The following INSC variants were observed in gnomAD, a reference collection of about 807,000 sequenced individuals.
INSC encodes protein inscuteable homolog.
INSC carries 67 observed loss-of-function variants against 58.6 expected under a neutral mutation model. The ratio of observed to expected loss-of-function variants is 1.14; its 90% confidence interval spans 0.94 to 1.40. The LOEUF (loss-of-function observed/expected upper bound fraction) is 1.40, where lower values mean the gene tolerates loss of function less well. Ranked by LOEUF, INSC falls within the 40% of genes most tolerant of loss-of-function variation. The probability of loss-of-function intolerance (pLI) is 0.00; values close to 1 mark genes in which losing one functional copy is unlikely to be tolerated. For missense variants in INSC, 714 were observed against 692.0 expected, an observed-to-expected ratio of 1.03 and a Z score of -0.36; for synonymous variants, 262 against 276.1, an observed-to-expected ratio of 0.95 and a Z score of 0.51.
At chr11:15,175,625 G>A (rs1849543639) in intron 2 of INSC, 116 bp from the exon 3 acceptor site, 1 of 656,404 alleles carries the variant, frequency 1.5e-6, no homozygotes. Flanking sequence ...GCATGAATGG[G>A]AGAAACACTG....
chr11:15,148,457 A>G (rs1269851648), intron 1 of INSC, among the ~76,000 whole-genome samples: 2 of 152,228 alleles, frequency 1.3e-5, no homozygotes, highest in African/African-American at 2.4e-5. Context: ...AACAGGAGAC[A>G]TACTGCCTCA....
Position 15,190,783 on chromosome 11 carries a change from A to G in INSC, c.662A>G (p.Glu221Gly). Residue 221 changes from glutamate to glycine, a missense_variant, in exon 6 of 13, where the codon GAG becomes GGG. Physicochemically the swap from Glu to Gly is moderately conservative, Grantham distance 98 (BLOSUM62 -2). Coordinates refer to ENST00000379556, the MANE Select transcript of INSC (RefSeq NM_001042536.3). ...GGGAACCTGTTCAGCCTGACCCAGG[A>G]GGGGGCTCCCTTGTGCCGCATCATA... The part of the protein sequence containing the change: ...TTGNLFSLTQ[E>G]GAPLCRIIAK... 1 of 1,613,678 alleles carries G rather than the reference A, an allele frequency of 6.2e-7. No individual in the cohort carries two copies. Among genetic ancestry groups the G allele is most frequent in the East Asian group, 2.2e-5 (1 of 44,888 alleles).
At chr11:15,241,484 G>T in intron 12 of INSC, 2 of 682,444 alleles carry the variant, frequency 2.9e-6, no homozygotes, top group South Asian at 3.1e-5. Context: ...TGAGCTGTGT[G>T]ACATTTGATA....
At chr11:15,136,593 A>T (rs1444950567) in intron 1 of INSC, among the ~76,000 whole-genome samples, 1 of 152,188 alleles carries the variant, frequency 6.6e-6, no homozygotes, top group Non-Finnish European at 1.5e-5. Flanking sequence ...TCTCTTCACT[A>T]GGAGTAGATT....
intron 3 of INSC, 72 bp downstream of exon 3, chr11:15,176,158 C>A: frequency 8.0e-7 from 1 of 1,242,724 alleles, no homozygotes; most frequent in Non-Finnish European, 1.1e-6. Flanking sequence ...GGGTTTGAAT[C>A]ATGTGGTGTC....
intron 2 of INSC, among the ~76,000 whole-genome samples, chr11:15,155,582 A>G (rs577270579): frequency 3.9e-4 from 59 of 152,212 alleles, no homozygotes; most frequent in Admixed American, 1.6e-3. Context: ...CCTAGCACAC[A>G]GGCCCAGTGC....
chr11:15,232,564 A>G (rs1743489870), intron 9 of INSC, among the ~76,000 whole-genome samples: 1 of 152,132 alleles, frequency 6.6e-6, no homozygotes, highest in Admixed American at 6.5e-5. Context: ...TGGCTGAGTT[A>G]TTTTTATTTC....
chr11:15,149,027 C>T (rs1848564390), intron 1 of INSC, 103 bp from the exon 2 acceptor site: 1 of 1,355,464 alleles, frequency 7.4e-7, no homozygotes, highest in South Asian at 1.8e-5. Flanking sequence ...AGAAGTCTTA[C>T]CTCTTTGTCT....
chr11:15,253,285 A>C, the INSC span, among the ~76,000 whole-genome samples: 1 of 152,132 alleles, frequency 6.6e-6, no homozygotes, highest in African/African-American at 2.4e-5. Context: ...TTTCTAATAT[A>C]AGTTGTAGAA....
At chr11:15,221,420 C>T (rs1248226246) in intron 7 of INSC, 57 bp from the exon 8 acceptor site, 2 of 1,543,676 alleles carry the variant, frequency 1.3e-6, no homozygotes, top group Non-Finnish European at 1.8e-6. Flanking sequence ...TCATTAATGT[C>T]ATGGGCAGTG....
intron 9 of INSC, among the ~76,000 whole-genome samples, chr11:15,226,867 C>T (rs577631627): frequency 6.6e-6 from 1 of 152,298 alleles, no homozygotes; most frequent in African/African-American, 2.4e-5. Flanking sequence ...AGGGCATGAT[C>T]CATGTTCCCT....
intron 1 of INSC, among the ~76,000 whole-genome samples, chr11:15,128,244 A>C (rs1848045315): frequency 6.6e-6 from 1 of 152,088 alleles, no homozygotes; most frequent in Non-Finnish European, 1.5e-5. Context: ...CAAATGGCTG[A>C]TTTTTCACTT....
rs780672834 is a variant in INSC at position 15,162,699 on chromosome 11, G to A, written c.57-13042G>A. Among the ~76,000 whole-genome samples, 92 of 152,236 alleles carry A rather than the reference G, an allele frequency of 6.0e-4. 2 individuals are homozygous for A. The Middle Eastern group carries it at 0.02, about 34-fold the overall frequency. ...TAGAACAGTTCCTGGCACCTATTTA[G>A]CCCTAATTAAATATTGTTGAATGAA... On this transcript the variant is annotated intron_variant, in intron 2 of 12. Coordinates refer to ENST00000379556, the MANE Select transcript of INSC (RefSeq NM_001042536.3).
At chr11:15,247,736 T>TATATATATATATATATATATATATAC, downstream of INSC, among the ~76,000 whole-genome samples, 1 of 50,238 alleles carries the variant, frequency 2.0e-5, no homozygotes, top group South Asian at 1.3e-3. Flanking sequence ...AAATAAGGTA[T>TATATATATATATATATATATATATAC]ATATATATAT....
intron 1 of INSC, among the ~76,000 whole-genome samples, chr11:15,148,762 C>T (rs1246461487): frequency 6.6e-6 from 1 of 151,802 alleles, no homozygotes; most frequent in African/African-American, 2.4e-5. Flanking sequence ...ACAGGATGCC[C>T]AGTTAAATGT....
At chr11:15,247,947 C>T (rs1022890513), downstream of INSC, among the ~76,000 whole-genome samples, 5 of 152,180 alleles carry the variant, frequency 3.3e-5, no homozygotes, top group Middle Eastern at 3.4e-3. Flanking sequence ...GAGACGGACT[C>T]GCTTTGTTCA....
At chr11:15,193,733 A>C (rs1850267741) in intron 6 of INSC, among the ~76,000 whole-genome samples, 2 of 152,222 alleles carry the variant, frequency 1.3e-5, no homozygotes, top group African/African-American at 4.8e-5. Flanking sequence ...GCTATTGTGA[A>C]TAGTGCCACA....
intron 9 of INSC, among the ~76,000 whole-genome samples, chr11:15,232,913 C>A (rs1851978594): frequency 6.6e-6 from 1 of 152,150 alleles, no homozygotes; most frequent in South Asian, 2.1e-4. Flanking sequence ...GAAGATCTGT[C>A]AACAACTTGA....
At chr11:15,139,915 G>C (rs1048643926) in intron 1 of INSC, among the ~76,000 whole-genome samples, 1 of 152,202 alleles carries the variant, frequency 6.6e-6, no homozygotes, top group Non-Finnish European at 1.5e-5. Flanking sequence ...CTCCCAGAAT[G>C]CCAGTAAGTG....
Sources: allele counts gnomAD v4.1 joint callset (sites outside exome capture counted in the v4.1 genomes callset), GRCh38; gene constraint gnomAD v4.1.1; transcripts MANE v1.5; gene names NCBI Gene and HGNC (gene_info 2026-07-23, HGNC 2026-07-21).